NEB: variants seen among roughly 807,000 people sequenced by gnomAD.
NEB encodes the protein nemaline myopathy type 2.
Under a neutral mutation model 952.2 loss-of-function variants are expected in NEB, and 512 were observed. The observed-to-expected ratio is 0.54, with a 90% CI of 0.50 to 0.58. NEB has a LOEUF of 0.58. NEB is among the 20% of genes least tolerant of loss of function. The pLI is 0.00. For synonymous variants in NEB, 2,900 were observed against 3,149.8 expected (o/e 0.92, Z 2.66); for missense variants, 8,428 against 9,231.1 (o/e 0.91, Z 3.56).
rs767772701 is a variant in NEB at position 151,669,133 on chromosome 2, TA to T, written c.4507-3del. The T allele has an allele frequency of 7.1e-5, 111 of 1,553,124 alleles. No homozygotes were observed. Among genetic ancestry groups the T allele is most frequent in the Non-Finnish European group, 9.3e-5 (106 of 1,139,872 alleles). ...CTCTCCCTCTACCTTGTAGTTCAAC[TA>T]AAAACAAAGGAGACAGCATGCACAT... On this transcript the variant is annotated splice_region_variant and splice_polypyrimidine_tract_variant and intron_variant, in intron 38 of 181. Coordinates refer to ENST00000397345, the MANE Select transcript of NEB (RefSeq NM_001164508.2).
At chr2:151,712,400 T>A (rs1053036764) in intron 10 of NEB, among the ~76,000 whole-genome samples, 1 of 152,184 alleles carries the variant, frequency 6.6e-6, no homozygotes, top group Non-Finnish European at 1.5e-5. Context: ...CAGTGAGAGA[T>A]AGATGTCTGG....
At chr2:151,513,439 T>A in intron 160 of NEB, 141 bp downstream of exon 160, 1 of 642,850 alleles carries the variant, frequency 1.6e-6, no homozygotes, top group Non-Finnish European at 2.7e-6. Context: ...TTCATTGGGA[T>A]GGCTTCCTCC....
In NEB at chr2:151,513,632, T is replaced by C. The variant is rs775756899; in HGVS notation, c.23189A>G (p.Asn7730Ser). 25 of 1,610,650 alleles carry C rather than the reference T, an allele frequency of 1.6e-5. No individual in the cohort carries two copies. In the East Asian group the frequency reaches 4.2e-4, roughly 27 times the overall value. ...VKGRGLNAMA[N>S]ETPDFMRARN... ...GGCCCTCATAAAATCCGGAGTTTCA[T>C]TGGCCATGGCATTCAGGCCTCTTCC... The change falls in exon 160 of 182, where the codon AAT (asparagine) becomes AGT (serine). Residue 7730 changes from asparagine (N) to serine (S), a missense_variant. Asn to Ser is a conservative substitution (Grantham distance 46, BLOSUM62 1). Transcript: ENST00000397345.
intron 38 of NEB, among the ~76,000 whole-genome samples, chr2:151,669,859 G>T (rs925241333): frequency 9.8e-5 from 15 of 152,310 alleles, no homozygotes; most frequent in African/African-American, 3.1e-4. Flanking sequence ...CAGATAACAG[G>T]TTATTGCAGT....
intron 12 of NEB, among the ~76,000 whole-genome samples, chr2:151,708,481 C>T (rs970039668): frequency 6.6e-6 from 1 of 152,060 alleles, no homozygotes; most frequent in Non-Finnish European, 1.5e-5. Context: ...ACGCATTGCC[C>T]TCTCCTGATT....
At position 151,666,187 on chromosome 2, in the gene NEB, G is replaced by C; in HGVS notation, c.4934C>G (p.Thr1645Ser). The C allele has an allele frequency of 6.2e-7, 1 of 1,613,964 alleles. No individual in the cohort carries two copies. Among genetic ancestry groups the C allele is most frequent in the Non-Finnish European group, 8.5e-7 (1 of 1,179,838 alleles). Residue 1645 changes from threonine to serine, a missense_variant, in exon 41 of 182, where the codon ACC becomes AGC. Transcript: ENST00000397345. ...GTATGACTGTCTGTAGTTGGCGTTG[G>C]TGGCAACCTCCTGAGATTTCTTTGC... ...TAAKKSQEVATNANYRQSYHH... is the reference protein window; with the variant it reads ...TAAKKSQEVASNANYRQSYHH...
intron 141 of NEB, among the ~76,000 whole-genome samples, chr2:151,536,045 T>G (rs1417916733): frequency 6.6e-6 from 1 of 152,180 alleles, no homozygotes; most frequent in East Asian, 1.9e-4. Flanking sequence ...TAGGTGGGAC[T>G]ACAGGTTGTA....
intron 52 of NEB, among the ~76,000 whole-genome samples, chr2:151,651,915 G>A (rs13404704): frequency 0.27 from 41,583 of 151,998 alleles, 7,805 homozygotes; most frequent in East Asian, 0.54. Context: ...CTGACCTTCC[G>A]TATCAAGAAA....
chr2:151,631,050 C>A, intron 66 of NEB, 93 bp downstream of exon 66: 1 of 1,503,624 alleles, frequency 6.7e-7, no homozygotes, highest in South Asian at 1.2e-5. Flanking sequence ...AATGCGACCC[C>A]ACGCCTTCAT....
At chr2:151,642,242 T>G (rs576956539) in intron 60 of NEB, among the ~76,000 whole-genome samples, 21 of 152,336 alleles carry the variant, frequency 1.4e-4, no homozygotes, top group Non-Finnish European at 2.1e-4. Flanking sequence ...GGTTGGGTTT[T>G]GAAGGAACCC....
At chr2:151,526,864 A>G (rs1259429131) in intron 148 of NEB, 54 bp downstream of exon 148, 2 of 1,260,602 alleles carry the variant, frequency 1.6e-6, no homozygotes, top group East Asian at 5.0e-5. Context: ...GGACTGTACC[A>G]TGGAAGATGG....
At chr2:151,721,308 G>A (rs1363698715) in intron 9 of NEB, among the ~76,000 whole-genome samples, 1 of 151,804 alleles carries the variant, frequency 6.6e-6, no homozygotes, top group South Asian at 2.1e-4. Context: ...ATTTATTACC[G>A]TTCCATGTCG....
intron 5 of NEB, 91 bp from the exon 6 acceptor site, chr2:151,725,651 A>G: frequency 9.8e-7 from 1 of 1,017,384 alleles, no homozygotes; most frequent in Non-Finnish European, 1.5e-6. Flanking sequence ...AAATCCTTCA[A>G]GTTATAGCAA....
At chr2:151,490,203 G>A (rs2055172709) in intron 180 of NEB, 126 bp from the exon 181 acceptor site, 1 of 1,179,252 alleles carries the variant, frequency 8.5e-7, no homozygotes, top group African/African-American at 1.5e-5. Flanking sequence ...AGAAATCAAA[G>A]AAAATGAAAC....
At chr2:151,554,110 TC>T in intron 125 of NEB, 85 bp from the exon 126 acceptor site, 1 of 1,293,812 alleles carries the variant, frequency 7.7e-7, no homozygotes, top group Non-Finnish European at 1.1e-6. Context: ...GCTAACCAAC[TC>T]ACAGCGAACA....
chr2:151,658,986 A>C (rs988619564), intron 47 of NEB, 79 bp downstream of exon 47: 2 of 985,212 alleles, frequency 2.0e-6, no homozygotes, highest in Non-Finnish European at 3.3e-6. Context: ...CTCATAACTG[A>C]GAGAGATATT....
intron 28 of NEB, among the ~76,000 whole-genome samples, chr2:151,683,946 A>G (rs1445639231): frequency 6.6e-6 from 1 of 152,200 alleles, no homozygotes. Context: ...CATTTTGCTA[A>G]GTGAAATAAG....
chr2:151,561,978 G>T (rs920262851), intron 121 of NEB, 132 bp downstream of exon 121: 14 of 690,570 alleles, frequency 2.0e-5, no homozygotes, highest in Non-Finnish European at 3.6e-5. Flanking sequence ...CTTTGATTGG[G>T]AGAGGAGGGG....
At position 151,530,993 on chromosome 2, in the gene NEB, C is replaced by T. The variant is rs1446706909; in HGVS notation, c.21630+1G>A. The T allele has an allele frequency of 6.2e-7, 1 of 1,602,738 alleles. No homozygotes were observed. The highest frequency in any genetic ancestry group is 8.5e-7 in the Non-Finnish European group (1 of 1,170,492). On this transcript the variant is annotated splice_donor_variant, in intron 145 of 181. Coordinates refer to ENST00000397345, the MANE Select transcript of NEB (RefSeq NM_001164508.2). LOFTEE classifies it high-confidence loss of function. Reference sequence around the variant, plus strand: ...GACTGCTAAACCATTCTAGTACTTACATCACTGACTTCATCTTTAACCTTG... The same window carrying T: ...GACTGCTAAACCATTCTAGTACTTATATCACTGACTTCATCTTTAACCTTG...
Sources: allele counts gnomAD v4.1 joint callset (sites outside exome capture counted in the v4.1 genomes callset), GRCh38; gene constraint gnomAD v4.1.1; transcripts MANE v1.5; gene names NCBI Gene and HGNC (gene_info 2026-07-23, HGNC 2026-07-21).